RHOQ: variants seen among roughly 807,000 people sequenced by gnomAD.
The protein encoded by RHOQ is ras homolog family member Q.
A neutral mutation model predicts 25.8 loss-of-function variants in RHOQ; 7 were observed. The observed-to-expected ratio is 0.27, with a 90% CI of 0.15 to 0.51. The LOEUF (loss-of-function observed/expected upper bound fraction) is 0.51, where lower values mean the gene tolerates loss of function less well. RHOQ is among the 20% of genes least tolerant of loss of function. The probability of loss-of-function intolerance (pLI) is 0.97; values close to 1 mark genes in which losing one functional copy is unlikely to be tolerated. For synonymous variants in RHOQ, 97 were observed against 98.6 expected, an observed-to-expected ratio of 0.98 and a Z score of 0.10; for missense variants, 165 against 260.6, an observed-to-expected ratio of 0.63 and a Z score of 2.53.
chr2:46,560,750 C>T (rs941349103), intron 2 of RHOQ: 7 of 347,378 alleles, frequency 2.0e-5, no homozygotes, highest in African/African-American at 1.1e-4. Flanking sequence ...TGCGTAGAGT[C>T]TGTATAGACC....
chr2:46,543,586 C>G lies in RHOQ; in HGVS notation c.143-168C>G, dbSNP rs78795242. ...GACCACATCACACCCCGGCCCTTTG[C>G]CGGTTCACAGTGAGCTGGCCGCACG... On this transcript the variant is annotated intron_variant, in intron 1 of 4. Coordinates refer to ENST00000238738, the MANE Select transcript of RHOQ (RefSeq NM_012249.4). The G allele has an allele frequency of 7.9e-3, 5,128 of 651,772 alleles. 25 individuals are homozygous for G. Among genetic ancestry groups the G allele is most frequent in the Non-Finnish European group, 0.011 (4,071 of 357,690 alleles). 40.4% of individuals were successfully genotyped at this position (651,772 alleles called of 1,614,324 possible).
intron 2 of RHOQ, among the ~76,000 whole-genome samples, chr2:46,570,729 C>G (rs1431028140): frequency 2.0e-5 from 3 of 152,216 alleles, no homozygotes; most frequent in Non-Finnish European, 4.4e-5. Flanking sequence ...GCACAGACCA[C>G]AAAGCCACCA....
intron 2 of RHOQ, among the ~76,000 whole-genome samples, chr2:46,570,436 A>G (rs1314796828): frequency 1.3e-5 from 2 of 151,772 alleles, no homozygotes; most frequent in African/African-American, 2.4e-5. Context: ...GTGAGACTTC[A>G]TCTCAAAAAA....
At chr2:46,565,270 C>CATGT (rs2104009554) in intron 2 of RHOQ, among the ~76,000 whole-genome samples, 1 of 152,230 alleles carries the variant, frequency 6.6e-6, no homozygotes, top group Admixed American at 6.5e-5. Context: ...TCCCCAGGGG[C>CATGT]ATGTGTCTGA....
intron 4 of RHOQ, among the ~76,000 whole-genome samples, chr2:46,578,750 T>C (rs1012890299): frequency 6.6e-6 from 1 of 151,930 alleles, no homozygotes; most frequent in African/African-American, 2.4e-5. Flanking sequence ...AGTGAGACCC[T>C]GTCTCAAAAT....
rs1170558698 is a variant in RHOQ at position 46,555,331 on chromosome 2, C to A, written c.201+11519C>A. Among the ~76,000 whole-genome samples, 1 of 152,252 alleles carries A rather than the reference C, an allele frequency of 6.6e-6. No individual in the cohort carries two copies. Among genetic ancestry groups the A allele is most frequent in the Non-Finnish European group, 1.5e-5 (1 of 68,046 alleles). ...TTGCTCCCCATGCAGATTGTAAACT[C>A]TTCCCCTTGCCGTCCCTGCAGGACT... On this transcript the variant is annotated intron_variant, in intron 2 of 4. Transcript: ENST00000238738. This position sits in a 1 kb window ranked among gnomAD's most constrained non-coding sequence, Gnocchi z 4.3.
intron 2 of RHOQ, chr2:46,568,943 A>G (rs980179048): frequency 6.6e-6 from 1 of 152,222 alleles, no homozygotes; most frequent in African/African-American, 2.4e-5. Context: ...ACCACATGGA[A>G]ATGTGACCAG....
intron 2 of RHOQ, among the ~76,000 whole-genome samples, chr2:46,544,201 T>C (rs1667968960): frequency 6.6e-6 from 1 of 152,186 alleles, no homozygotes; most frequent in South Asian, 2.1e-4. Flanking sequence ...GTGGTCTGCC[T>C]GCCCAAGGAG....
At chr2:46,549,192 T>C (rs879771464) in intron 2 of RHOQ, among the ~76,000 whole-genome samples, 7 of 152,108 alleles carry the variant, frequency 4.6e-5, no homozygotes, top group Non-Finnish European at 8.8e-5. Flanking sequence ...ATCTCAAGCA[T>C]GAGTGTTACA....
At position 46,584,667 on chromosome 2, in the gene RHOQ, G is replaced by A. The variant is rs1669509686; in HGVS notation, c.*3584G>A. ...CATGCCATCAGCAAATTAAAATGTG[G>A]ACTGGCTTTGAAGACTGTTAATGAT... On this transcript the variant is annotated 3_prime_UTR_variant, in exon 5 of 5. Coordinates refer to ENST00000238738, the MANE Select transcript of RHOQ (RefSeq NM_012249.4). Among the ~76,000 whole-genome samples, 1 of 152,144 alleles carries A rather than the reference G, an allele frequency of 6.6e-6. No individual in the cohort carries two copies. The highest frequency in any genetic ancestry group is 2.1e-4 in the South Asian group (1 of 4,834).
chr2:46,580,819 T>G (rs1194502408), intron 4 of RHOQ, 109 bp from the exon 5 acceptor site: 1 of 769,122 alleles, frequency 1.3e-6, no homozygotes, highest in Non-Finnish European at 1.9e-6. Context: ...ATGAATGTAT[T>G]CTTTTTGCAT....
intron 2 of RHOQ, among the ~76,000 whole-genome samples, chr2:46,564,456 T>C (rs755814419): frequency 6.6e-5 from 10 of 152,230 alleles, no homozygotes; most frequent in Non-Finnish European, 1.3e-4. Context: ...GCCTGTTCTG[T>C]GCAAGCATGT....
chr2:46,558,841 G>GT (rs1270131240), intron 2 of RHOQ, among the ~76,000 whole-genome samples: 1 of 152,098 alleles, frequency 6.6e-6, no homozygotes, highest in Admixed American at 6.5e-5. Context: ...ACTTCCTCAA[G>GT]TTTATCATCT....
intron 2 of RHOQ, among the ~76,000 whole-genome samples, chr2:46,562,483 C>T (rs1192410964): frequency 6.6e-6 from 1 of 152,192 alleles, no homozygotes; most frequent in Non-Finnish European, 1.5e-5. Flanking sequence ...CTGGCTCTTG[C>T]TTTGCTTCAG....
intron 2 of RHOQ, among the ~76,000 whole-genome samples, chr2:46,544,176 G>C (rs1257326721): frequency 6.6e-6 from 1 of 152,132 alleles, no homozygotes; most frequent in Non-Finnish European, 1.5e-5. Context: ...CCTCTGTCTG[G>C]TCCCTCATTG....
At chr2:46,564,811 T>C (rs1487078005) in intron 2 of RHOQ, among the ~76,000 whole-genome samples, 1 of 152,242 alleles carries the variant, frequency 6.6e-6, no homozygotes, top group Non-Finnish European at 1.5e-5. Flanking sequence ...AGGGCTGCTC[T>C]GGTAGAAGTG....
chr2:46,560,513 T>C (rs1668541338), intron 2 of RHOQ: 2 of 451,722 alleles, frequency 4.4e-6, no homozygotes, highest in African/African-American at 4.0e-5. Context: ...AAGAAGTTGC[T>C]TGGCATACAG....
chr2:46,577,523 C>T (rs945109875), intron 4 of RHOQ, among the ~76,000 whole-genome samples: 18 of 149,800 alleles, frequency 1.2e-4, no homozygotes, highest in Admixed American at 4.0e-4. Flanking sequence ...CCTCAGCCTC[C>T]CAAGTAGCTG....
chr2:46,562,953 G>A (rs912828554), intron 2 of RHOQ, among the ~76,000 whole-genome samples: 1 of 152,152 alleles, frequency 6.6e-6, no homozygotes, highest in African/African-American at 2.4e-5. Flanking sequence ...AACACTATTC[G>A]GTGGACATGG....
Sources: gnomAD v4.1 joint callset for allele counts (sites outside exome capture counted in the v4.1 genomes callset) on GRCh38, gnomAD v4.1.1 for gene constraint, Gnocchi (gnomAD v3.1) non-coding constraint, MANE v1.5 for transcripts, NCBI Gene and HGNC (gene_info 2026-07-23, HGNC 2026-07-21) for gene names.